Variants in RPS6KC1 observed in about 807,000 individuals in gnomAD.
The protein encoded by RPS6KC1 is ribosomal protein S6 kinase C1.
In RPS6KC1, 54 loss-of-function variants were observed where a neutral mutation model predicts 103.8. The ratio of observed to expected loss-of-function variants is 0.52; its 90% CI spans 0.42 to 0.65. The LOEUF (loss-of-function observed/expected upper bound fraction) is 0.65, where lower values mean the gene tolerates loss of function less well. RPS6KC1 is among the 30% of genes least tolerant of loss of function. The probability of loss-of-function intolerance (pLI) is 0.00; values close to 1 mark genes in which losing one functional copy is unlikely to be tolerated. For synonymous variants in RPS6KC1, 439 were observed against 438.7 expected (o/e 1.00, Z -0.01); for missense variants, 1,151 against 1,253.8 (o/e 0.92, Z 1.24).
chr1:213,456,720 C>A, the RPS6KC1 span, among the ~76,000 whole-genome samples: 2 of 152,166 alleles, frequency 1.3e-5, no homozygotes, highest in African/African-American at 4.8e-5. Context: ...ATTCCATAAA[C>A]AATCACTTAA....
At chr1:213,759,233 T>TA in the RPS6KC1 span, among the ~76,000 whole-genome samples, 39 of 152,102 alleles carry the variant, frequency 2.6e-4, no homozygotes, top group African/African-American at 8.7e-4. Flanking sequence ...AGTTTTTTTT[T>TA]ATCAGTAAAG....
At chr1:213,597,986 A>G in the RPS6KC1 span, among the ~76,000 whole-genome samples, 12 of 152,214 alleles carry the variant, frequency 7.9e-5, no homozygotes, top group African/African-American at 2.9e-4. Context: ...AAAAGAAACA[A>G]AAAACAAAAC....
chr1:213,254,231 T>A (rs562985841), intron 12 of RPS6KC1, among the ~76,000 whole-genome samples: 3 of 152,346 alleles, frequency 2.0e-5, no homozygotes, highest in Admixed American at 6.5e-5. Context: ...AATACTGAAG[T>A]GAAATTTCTA....
chr1:213,342,960 C>T, the RPS6KC1 span, among the ~76,000 whole-genome samples: 6 of 152,010 alleles, frequency 3.9e-5, no homozygotes, highest in African/African-American at 4.8e-5. Flanking sequence ...CCAGCCTGGG[C>T]AACATAGCGA....
At chr1:213,156,306 A>C (rs1365900181) in intron 6 of RPS6KC1, among the ~76,000 whole-genome samples, 1 of 152,218 alleles carries the variant, frequency 6.6e-6, no homozygotes, top group East Asian at 1.9e-4. Context: ...ACTATCCAAA[A>C]TGAAACAGTG....
At chr1:213,292,654 T>G in the RPS6KC1 span, among the ~76,000 whole-genome samples, 2 of 152,196 alleles carry the variant, frequency 1.3e-5, no homozygotes, top group Non-Finnish European at 2.9e-5. Flanking sequence ...TTTTTAAAGA[T>G]TTTATATATT....
At chr1:213,716,649 A>C in the RPS6KC1 span, among the ~76,000 whole-genome samples, 2 of 152,196 alleles carry the variant, frequency 1.3e-5, no homozygotes, top group Non-Finnish European at 2.9e-5. Context: ...CATAATTTGT[A>C]CTTCTCTTAT....
At chr1:213,142,527 A>G (rs531493369) in intron 6 of RPS6KC1, among the ~76,000 whole-genome samples, 5 of 152,112 alleles carry the variant, frequency 3.3e-5, no homozygotes, top group African/African-American at 9.6e-5. Context: ...AGTATAGTCA[A>G]TTGGCTTTAT....
At chr1:213,589,142 C>T in the RPS6KC1 span, among the ~76,000 whole-genome samples, 1 of 152,196 alleles carries the variant, frequency 6.6e-6, no homozygotes, top group Non-Finnish European at 1.5e-5. Context: ...CACTCCCATG[C>T]ACTTGCTTAG....
At chr1:213,438,413 A>G in the RPS6KC1 span, among the ~76,000 whole-genome samples, 1 of 152,096 alleles carries the variant, frequency 6.6e-6, no homozygotes, top group Non-Finnish European at 1.5e-5. Context: ...AGAAGATTTA[A>G]TTTTCTTTTT....
the RPS6KC1 span, among the ~76,000 whole-genome samples, chr1:213,334,964 A>C: frequency 2.0e-5 from 3 of 152,198 alleles, no homozygotes; most frequent in East Asian, 5.8e-4. Flanking sequence ...TATTGCTGTG[A>C]CAGAGATAAA....
At chr1:213,185,482 A>T (rs1011865597) in intron 8 of RPS6KC1, among the ~76,000 whole-genome samples, 8 of 152,032 alleles carry the variant, frequency 5.3e-5, no homozygotes, top group Non-Finnish European at 1.2e-4. Context: ...CCCCATCTCT[A>T]CTAAAAAATA....
In RPS6KC1 at chr1:213,262,800, G is replaced by A. The variant is rs746728308; in HGVS notation, c.3074G>A (p.Arg1025His). The change falls in exon 14 of 15, where the codon CGC becomes CAC. Residue 1025 changes from arginine to histidine, a missense_variant. Around this residue, in one of 3 missense-constraint regions of RPS6KC1, gnomAD observed 189 missense variants for 228.8 expected, o/e 0.83. Coordinates refer to ENST00000366960, the MANE Select transcript of RPS6KC1 (RefSeq NM_012424.6). ...NMPECVSEEA[R>H]SLIQQLLQFN... ...CCAGAATGTGTCTCTGAAGAGGCTC[G>A]CTCACTCATTCAACAGGTAATTTAA... is the stretch of plus-strand genomic sequence containing the variant. 4.4e-6 allele frequency: 7 copies of A among 1,606,428 alleles called. No homozygotes were observed. The highest frequency in any genetic ancestry group is 5.1e-6 in the Non-Finnish European group (6 of 1,173,218).
At chr1:213,176,234 T>C (rs906611639) in intron 7 of RPS6KC1, among the ~76,000 whole-genome samples, 166 bp from the exon 8 acceptor site, 1 of 152,212 alleles carries the variant, frequency 6.6e-6, no homozygotes. Context: ...TAGTTTTTAT[T>C]TTTAAAAATT....
the RPS6KC1 span, among the ~76,000 whole-genome samples, chr1:213,538,424 T>C: frequency 1.3e-4 from 20 of 152,182 alleles, no homozygotes; most frequent in Non-Finnish European, 2.5e-4. Context: ...GAAAAAAGCC[T>C]GTCACATGAT....
the RPS6KC1 span, among the ~76,000 whole-genome samples, chr1:213,506,787 A>G: frequency 6.6e-6 from 1 of 152,200 alleles, no homozygotes; most frequent in African/African-American, 2.4e-5. Flanking sequence ...ACTCAACGAC[A>G]TTGTGGCCTT....
the RPS6KC1 span, among the ~76,000 whole-genome samples, chr1:213,521,374 A>C: frequency 6.6e-6 from 1 of 152,244 alleles, no homozygotes; most frequent in Non-Finnish European, 1.5e-5. Context: ...ATGGTAATCT[A>C]AGCCTTCCGT....
At chr1:213,603,775 G>A in the RPS6KC1 span, among the ~76,000 whole-genome samples, 15 of 151,950 alleles carry the variant, frequency 9.9e-5, no homozygotes, top group Admixed American at 5.2e-4. Context: ...CAGGAGAATC[G>A]CTTGAACCCA....
intron 8 of RPS6KC1, among the ~76,000 whole-genome samples, chr1:213,211,502 T>G (rs915514053): frequency 3.3e-5 from 5 of 152,332 alleles, no homozygotes; most frequent in African/African-American, 1.2e-4. Flanking sequence ...TTTTATATTC[T>G]GCCTTCTGCT....
Sources: gnomAD v4.1 joint callset for allele counts (sites outside exome capture counted in the v4.1 genomes callset) on GRCh38, gnomAD v4.1.1 for gene constraint, gnomAD v4.1.1 regional missense constraint, MANE v1.5 for transcripts, NCBI Gene and HGNC (gene_info 2026-07-23, HGNC 2026-07-21) for gene names.